Variants in STAG1 observed in about 807,000 individuals in gnomAD.
STAG1 encodes STAG1 cohesin complex component, also known as cohesin subunit SA-1.
A neutral mutation model predicts 170.9 loss-of-function variants in STAG1; 26 were observed. The observed-to-expected ratio is 0.15, with a 90% CI of 0.11 to 0.21. STAG1 has a LOEUF of 0.21. STAG1 is among the 10% of genes least tolerant of loss of function. STAG1 has a pLI of 1.00. For missense variants in STAG1, 964 were observed against 1,509.5 expected, an observed-to-expected ratio of 0.64 and a Z score of 5.99; for synonymous variants, 514 against 497.7, an observed-to-expected ratio of 1.03 and a Z score of -0.44.
intron 26 of STAG1, among the ~76,000 whole-genome samples, chr3:136,362,522 C>CT (rs1336655195): frequency 7.1e-6 from 1 of 140,502 alleles, no homozygotes; most frequent in African/African-American, 2.7e-5. Context: ...AATCCCAGCA[C>CT]TTTGGGAGGC....
At chr3:136,550,484 T>C (rs1936337273) in intron 5 of STAG1, among the ~76,000 whole-genome samples, 1 of 152,082 alleles carries the variant, frequency 6.6e-6, no homozygotes, top group South Asian at 2.1e-4. Context: ...ATTTTTTGTA[T>C]TTTTAGTAGT....
At chr3:136,520,413 C>A (rs1040195798) in intron 7 of STAG1, among the ~76,000 whole-genome samples, 4 of 151,978 alleles carry the variant, frequency 2.6e-5, no homozygotes, top group Non-Finnish European at 5.9e-5. Context: ...AAAGTTACTG[C>A]TACTAAAAAA....
intron 1 of STAG1, among the ~76,000 whole-genome samples, chr3:136,663,692 T>C (rs1367121201): frequency 1.3e-5 from 2 of 152,184 alleles, no homozygotes; most frequent in Non-Finnish European, 2.9e-5. Context: ...TTGAACACGG[T>C]GGACTGAGCA....
intron 13 of STAG1, among the ~76,000 whole-genome samples, chr3:136,458,826 A>G (rs1157949877): frequency 6.6e-6 from 1 of 152,258 alleles, no homozygotes; most frequent in Non-Finnish European, 1.5e-5. Flanking sequence ...AAGTGAAGGT[A>G]TGGAAAAAGA....
chr3:136,348,161 CTTGGT>C (rs903990410), intron 29 of STAG1, among the ~76,000 whole-genome samples: 4 of 151,982 alleles, frequency 2.6e-5, no homozygotes, highest in Non-Finnish European at 1.5e-5. Context: ...CAGACCTCCT[CTTGGT>C]TTGGAGAAAA....
At chr3:136,546,299 A>C (rs1301611248) in intron 5 of STAG1, among the ~76,000 whole-genome samples, 2 of 152,238 alleles carry the variant, frequency 1.3e-5, no homozygotes, top group African/African-American at 2.4e-5. Flanking sequence ...ATAGGATTCA[A>C]GATAGGCAGG....
At chr3:136,618,441 GA>G (rs1396151384) in intron 3 of STAG1, among the ~76,000 whole-genome samples, 1 of 152,218 alleles carries the variant, frequency 6.6e-6, no homozygotes, top group East Asian at 1.9e-4. Flanking sequence ...AGAATTAAAA[GA>G]ACATTTTATA....
At chr3:136,609,756 G>C (rs1226107944) in intron 3 of STAG1, among the ~76,000 whole-genome samples, 1 of 152,130 alleles carries the variant, frequency 6.6e-6, no homozygotes, top group Non-Finnish European at 1.5e-5. Flanking sequence ...TTTTTAAAGT[G>C]TAAATGCTTT....
intron 1 of STAG1, among the ~76,000 whole-genome samples, chr3:136,734,382 T>C (rs923027131): frequency 2.6e-5 from 4 of 152,180 alleles, no homozygotes; most frequent in Non-Finnish European, 4.4e-5. Flanking sequence ...AGGCAGACAG[T>C]AGTGTCTCAA....
intron 1 of STAG1, among the ~76,000 whole-genome samples, chr3:136,659,168 TC>T (rs956768667): frequency 6.6e-6 from 1 of 152,204 alleles, no homozygotes; most frequent in African/African-American, 2.4e-5. Context: ...TGAAAGTGTT[TC>T]TTTAAACAAC....
At chr3:136,545,041 T>G (rs1256584549) in intron 5 of STAG1, among the ~76,000 whole-genome samples, 1 of 152,048 alleles carries the variant, frequency 6.6e-6, no homozygotes, top group Non-Finnish European at 1.5e-5. Flanking sequence ...TCATCTAACT[T>G]TTTATTTTTT....
chr3:136,477,456 C>T lies in STAG1; in HGVS notation c.903-44G>A. ...GACAATCTCAAATTAATATACAAAG[C>T]TAGAATGCATTCATACTCGCTTTCC... On this transcript the variant is annotated intron_variant, in intron 9 of 33. Transcript: ENST00000383202. 2.6e-6 allele frequency: 4 copies of T among 1,523,408 alleles called. No individual in the cohort carries two copies. In the Middle Eastern group the frequency reaches 6.2e-4, roughly 235 times the overall value. 94.4% of individuals were successfully genotyped at this position (1,523,408 alleles called of 1,614,324 possible).
intron 3 of STAG1, among the ~76,000 whole-genome samples, chr3:136,621,652 G>A (rs1939854350): frequency 6.6e-6 from 1 of 152,112 alleles, no homozygotes; most frequent in East Asian, 1.9e-4. Flanking sequence ...AAAAGCAAGT[G>A]TATAGCAAAA....
intron 13 of STAG1, among the ~76,000 whole-genome samples, chr3:136,459,162 G>C (rs2089203014): frequency 6.6e-6 from 1 of 150,462 alleles, no homozygotes; most frequent in Non-Finnish European, 1.5e-5. Flanking sequence ...AGGTTGCAGT[G>C]AGCCAAGATG....
At chr3:136,711,311 C>G (rs1943374886) in intron 1 of STAG1, among the ~76,000 whole-genome samples, 1 of 152,048 alleles carries the variant, frequency 6.6e-6, no homozygotes, top group Non-Finnish European at 1.5e-5. Flanking sequence ...CTAAAATGTA[C>G]ATGGAAATGC....
At chr3:136,363,211 T>C in intron 26 of STAG1, among the ~76,000 whole-genome samples, 155 bp downstream of exon 26, 1 of 152,192 alleles carries the variant, frequency 6.6e-6, no homozygotes, top group East Asian at 1.9e-4. Flanking sequence ...ACCTAACCTA[T>C]GTCTTTGTAC....
chr3:136,592,937 A>AGTTC (rs1938257898), intron 4 of STAG1, among the ~76,000 whole-genome samples: 1 of 152,200 alleles, frequency 6.6e-6, no homozygotes, highest in Non-Finnish European at 1.5e-5. Context: ...ACTTTGTCTG[A>AGTTC]GTTCAAAGGC....
At chr3:136,741,950 AAC>A (rs1226731821) in intron 1 of STAG1, among the ~76,000 whole-genome samples, 1 of 152,228 alleles carries the variant, frequency 6.6e-6, no homozygotes, top group Non-Finnish European at 1.5e-5. Context: ...TATTACCAGA[AAC>A]AGAGAGACAT....
chr3:136,587,900 T>G (rs893198112), intron 4 of STAG1, among the ~76,000 whole-genome samples: 2 of 151,790 alleles, frequency 1.3e-5, no homozygotes, highest in African/African-American at 4.8e-5. Context: ...GGGGCGGAGG[T>G]TGCAGTGAGC....
Sources: gnomAD v4.1 joint callset for allele counts (sites outside exome capture counted in the v4.1 genomes callset) on GRCh38, gnomAD v4.1.1 for gene constraint, MANE v1.5 for transcripts, NCBI Gene and HGNC (gene_info 2026-07-23, HGNC 2026-07-21) for gene names.